The following ZBED6 variants were observed in gnomAD, a reference collection of about 807,000 sequenced individuals.
ZBED6 encodes the protein zinc finger BED domain-containing protein 6.
Under a neutral mutation model 58.4 loss-of-function variants are expected in ZBED6, and 40 were observed. That is an observed-to-expected ratio of 0.68 (90% confidence interval 0.53 to 0.89). The LOEUF (loss-of-function observed/expected upper bound fraction) is 0.89. Among genes scored for constraint, ZBED6 ranks in the 40% least tolerant of loss-of-function variants. ZBED6 has a pLI of 0.00. For synonymous variants in ZBED6, 439 were observed against 350.6 expected (o/e 1.25, Z -2.82); for missense variants, 1,057 against 1,003.9 (o/e 1.05, Z -0.71).
At chr1:203,837,921 TG>T in intron 9 of ZBED6, 44 bp from the exon 10 acceptor site, 1 of 1,572,774 alleles carries the variant, frequency 6.4e-7, no homozygotes, top group South Asian at 1.1e-5. Context: ...TTGTCCTTGC[TG>T]AAGATTGACT....
intron 3 of ZBED6, among the ~76,000 whole-genome samples, chr1:203,822,976 G>A (rs1468184649): frequency 6.6e-6 from 1 of 152,120 alleles, no homozygotes; most frequent in African/African-American, 2.4e-5. Flanking sequence ...TGTATTTCTT[G>A]TCTCTTAACT....
exon 1 of ZBED6, chr1:203,802,711 ACT>A (rs1670894971): frequency 2.4e-5 from 2 of 82,796 alleles, no homozygotes; most frequent in Admixed American, 2.8e-4. Context: ...CTTTAAATGA[ACT>A]CTTTTTTTTT....
At chr1:203,808,613 C>T (rs12145049) in intron 1 of ZBED6, among the ~76,000 whole-genome samples, 23,812 of 151,992 alleles carry the variant, frequency 0.16, 1,970 homozygotes, top group African/African-American at 0.17. Flanking sequence ...TACAATTTCC[C>T]TCTTAGTGAC....
At chr1:203,803,764 C>T (rs539106610) in intron 1 of ZBED6, among the ~76,000 whole-genome samples, 2 of 152,204 alleles carry the variant, frequency 1.3e-5, no homozygotes, top group Non-Finnish European at 2.9e-5. Context: ...CCCCACTGTA[C>T]CTGGCTACTT....
At chr1:203,803,562 G>A (rs1457791176) in intron 1 of ZBED6, among the ~76,000 whole-genome samples, 5 of 152,152 alleles carry the variant, frequency 3.3e-5, no homozygotes, top group Non-Finnish European at 4.4e-5. Flanking sequence ...TAGCCAAAGT[G>A]AAATCTTCCT....
rs1306859237 is a variant in ZBED6, at chr1:203,829,531, G to A, written c.*3078G>A. On this transcript the variant is annotated 3_prime_UTR_variant, in exon 5 of 17. Transcript: ENST00000550078. ...TTCAGTTCAGCAGAACAAATTGTCT[G>A]TCCAGTCCAATCCTTCCCCTCAGCT... The A allele has an allele frequency of 1.9e-6, 3 of 1,613,990 alleles. No individual in the cohort carries two copies. In the South Asian group the frequency reaches 3.3e-5, roughly 18 times the overall value.
At chr1:203,809,357 A>G (rs565850281) in intron 1 of ZBED6, among the ~76,000 whole-genome samples, 75 of 151,458 alleles carry the variant, frequency 5.0e-4, no homozygotes, top group African/African-American at 1.4e-3. Context: ...TTATATTTTT[A>G]GTAGAGGCGG....
At chr1:203,815,655 G>T (rs149339339) in intron 1 of ZBED6, among the ~76,000 whole-genome samples, 93 of 152,244 alleles carry the variant, frequency 6.1e-4, no homozygotes, top group Middle Eastern at 3.4e-3. Context: ...TACATGTTTA[G>T]TACCCATGTT....
At chr1:203,835,809 G>A (rs1272099812) in intron 9 of ZBED6, 7 of 239,550 alleles carry the variant, frequency 2.9e-5, no homozygotes, top group South Asian at 6.9e-5. Flanking sequence ...TTCATCTGGG[G>A]CATAAACACC....
exon 17 of ZBED6, chr1:203,852,340 G>C: frequency 6.2e-7 from 1 of 1,613,722 alleles, no homozygotes; most frequent in Non-Finnish European, 8.5e-7. Flanking sequence ...GATTGACCTG[G>C]ATCCTGGGAA....
exon 1 of ZBED6, chr1:203,798,077 C>T (rs1172947150): frequency 6.5e-7 from 1 of 1,536,088 alleles, no homozygotes; most frequent in East Asian, 2.4e-5. Context: ...CTCATTGGAC[C>T]AGGGCCAACA....
At chr1:203,813,384 T>G (rs1314607986) in intron 1 of ZBED6, among the ~76,000 whole-genome samples, 1 of 152,056 alleles carries the variant, frequency 6.6e-6, no homozygotes, top group Non-Finnish European at 1.5e-5. Flanking sequence ...ATTTTAATGG[T>G]TTTTATTGAA....
intron 3 of ZBED6, among the ~76,000 whole-genome samples, chr1:203,820,356 AT>A (rs1336700782): frequency 2.6e-5 from 4 of 151,962 alleles, no homozygotes; most frequent in Admixed American, 2.0e-4. Context: ...CTTAACACTT[AT>A]GGTAGCTATA....
chr1:203,851,120 G>A (rs759058419), exon 16 of ZBED6: 1 of 1,614,130 alleles, frequency 6.2e-7, no homozygotes, highest in Non-Finnish European at 8.5e-7. Flanking sequence ...AAATCCTAGA[G>A]ACAGGTAATA....
exon 1 of ZBED6, chr1:203,799,142 A>G: frequency 6.6e-7 from 1 of 1,504,538 alleles, no homozygotes; most frequent in African/African-American, 1.4e-5. Context: ...CCAATATTTT[A>G]CAAGAATTAA....
At chr1:203,843,232 A>G (rs553964139) in intron 11 of ZBED6, among the ~76,000 whole-genome samples, 11 of 152,306 alleles carry the variant, frequency 7.2e-5, no homozygotes, top group African/African-American at 2.6e-4. Flanking sequence ...ATCAGTATTT[A>G]TGATAATCAG....
chr1:203,826,261 T>C (rs1680476059), intron 3 of ZBED6, among the ~76,000 whole-genome samples: 1 of 152,040 alleles, frequency 6.6e-6, no homozygotes, highest in African/African-American at 2.4e-5. Context: ...TACTGCTCCT[T>C]GTGGAGCAGG....
At chr1:203,850,143 C>T in intron 14 of ZBED6, 117 bp downstream of exon 14, 1 of 843,010 alleles carries the variant, frequency 1.2e-6, no homozygotes, top group Admixed American at 2.7e-5. Flanking sequence ...CTTCTATCCA[C>T]AGGTAGATAG....
intron 13 of ZBED6, 62 bp downstream of exon 13, chr1:203,848,469 T>G (rs2103419441): frequency 2.0e-5 from 26 of 1,279,618 alleles, no homozygotes; most frequent in South Asian, 2.6e-5. Context: ...AATTGGTAGT[T>G]TTACCTTACA....
Sources: allele counts gnomAD v4.1 joint callset (sites outside exome capture counted in the v4.1 genomes callset), GRCh38; gene constraint gnomAD v4.1.1; transcripts MANE v1.5; gene names NCBI Gene and HGNC (gene_info 2026-07-23, HGNC 2026-07-21).